Variants in RNF144A observed in about 807,000 individuals in gnomAD.
RNF144A encodes the protein ring finger protein 144A.
A neutral mutation model predicts 38.7 loss-of-function variants in RNF144A; 11 were observed. That is an observed-to-expected ratio of 0.28 (90% CI 0.18 to 0.47). The LOEUF (loss-of-function observed/expected upper bound fraction) is 0.47. Among genes scored for constraint, RNF144A ranks in the 20% least tolerant of loss-of-function variants. The pLI, the probability that RNF144A is intolerant of heterozygous loss-of-function variation, is 0.99. For synonymous variants in RNF144A, 149 were observed against 143.9 expected, an observed-to-expected ratio of 1.04 and a Z score of -0.25; for missense variants, 316 against 377.2, an observed-to-expected ratio of 0.84 and a Z score of 1.34.
chr2:7,035,279 C>T (rs56277241), intron 8 of RNF144A, among the ~76,000 whole-genome samples: 2,464 of 152,312 alleles, frequency 0.016, 15 homozygotes, highest in Non-Finnish European at 0.025. Flanking sequence ...GGCCACAGCA[C>T]GTGCTGAGCA....
At chr2:6,954,458 C>T (rs1014683169) in intron 2 of RNF144A, among the ~76,000 whole-genome samples, 2 of 152,136 alleles carry the variant, frequency 1.3e-5, no homozygotes, top group Non-Finnish European at 2.9e-5. Flanking sequence ...GATGCTTATT[C>T]GTTTTTTAGT....
intron 6 of RNF144A, among the ~76,000 whole-genome samples, chr2:7,049,378 G>T (rs993690393): frequency 6.6e-6 from 1 of 152,132 alleles, no homozygotes; most frequent in East Asian, 1.9e-4. Context: ...ATAAATTATT[G>T]ATCAATGGTA....
Position 7,039,682 on chromosome 2 carries a change from C to T in RNF144A, c.801C>T (p.Phe267=). 3 of 1,614,114 alleles carry T rather than the reference C, an allele frequency of 1.9e-6. No individual in the cohort carries two copies. The highest frequency in any genetic ancestry group is 2.5e-6 in the Non-Finnish European group (3 of 1,180,004). Residue 267 remains phenylalanine (F), a synonymous_variant, in exon 9 of 9, where the codon TTC becomes TTT. Coordinates refer to ENST00000320892, the MANE Select transcript of RNF144A (RefSeq NM_014746.6). ...FGLLLLVASP[F]LLLATPFVLC... ...TGCTGCTCTTGGTGGCCTCACCTTT[C>T]CTACTCCTGGCCACTCCCTTTGTAC...
In RNF144A at chr2:7,039,490, A is replaced by AGATG. The variant is rs1292496094; in HGVS notation, c.748-127_748-124dup. The AGATG allele has an allele frequency of 7.1e-6, 10 of 1,417,952 alleles. No individual in the cohort carries two copies. The East Asian group carries it at 1.2e-4, about 17-fold the overall frequency. The allele number at this position is 1,417,952 out of a possible 1,614,324, so 87.8% of individuals were successfully genotyped here. ...ATGAGTAGATGATGACTAGATGGGT[A>AGATG]GATGGATGGATGGATAGATGGATGG... On this transcript the variant is annotated intron_variant, in intron 8 of 8. Transcript: ENST00000320892.
chr2:6,948,484 G>A (rs1666479310), intron 2 of RNF144A, among the ~76,000 whole-genome samples: 1 of 152,228 alleles, frequency 6.6e-6, no homozygotes, highest in Admixed American at 6.5e-5. Context: ...GTGAGCTGTG[G>A]TGCTTCCCAT....
intron 6 of RNF144A, among the ~76,000 whole-genome samples, chr2:7,052,303 T>C (rs1331219710): frequency 1.3e-5 from 2 of 152,242 alleles, no homozygotes; most frequent in East Asian, 3.8e-4. Context: ...GCATCTAACA[T>C]GAGGAGCCCC....
At chr2:6,955,776 A>T (rs1313431897) in intron 2 of RNF144A, among the ~76,000 whole-genome samples, 1 of 152,198 alleles carries the variant, frequency 6.6e-6, no homozygotes, top group East Asian at 1.9e-4. Flanking sequence ...GGTGACAAGA[A>T]GCCCCATTTT....
intron 2 of RNF144A, among the ~76,000 whole-genome samples, chr2:6,982,264 G>T (rs866622133): frequency 6.6e-6 from 1 of 152,220 alleles, no homozygotes; most frequent in African/African-American, 2.4e-5. Flanking sequence ...GCAGCTACTC[G>T]TAAGTGTGTT....
chr2:7,073,635 G>A, the RNF144A span, among the ~76,000 whole-genome samples: 9,883 of 152,294 alleles, frequency 0.065, 364 homozygotes, highest in Middle Eastern at 0.16. Context: ...TTAAATAACC[G>A]TTGTTATTTC....
At chr2:6,969,854 C>T (rs1028132714) in intron 2 of RNF144A, among the ~76,000 whole-genome samples, 2 of 152,250 alleles carry the variant, frequency 1.3e-5, no homozygotes, top group East Asian at 1.9e-4. Flanking sequence ...CTCTGCTTCC[C>T]GGGTTCACAT....
intron 2 of RNF144A, among the ~76,000 whole-genome samples, chr2:6,983,721 A>G (rs1668783589): frequency 1.3e-5 from 2 of 151,946 alleles, no homozygotes; most frequent in African/African-American, 4.8e-5. Flanking sequence ...ACCTTATAGC[A>G]AAGGAGAGGC....
intron 2 of RNF144A, among the ~76,000 whole-genome samples, chr2:6,981,267 C>T (rs1250496986): frequency 1.3e-5 from 2 of 152,216 alleles, no homozygotes; most frequent in African/African-American, 4.8e-5. Flanking sequence ...GAATTTCTCC[C>T]CAGAAAATGG....
chr2:7,012,895 A>G (rs1299003811), intron 3 of RNF144A, among the ~76,000 whole-genome samples: 2 of 152,214 alleles, frequency 1.3e-5, no homozygotes, highest in Non-Finnish European at 2.9e-5. Context: ...ACCTAAGTTT[A>G]GGGCCACTGC....
intron 8 of RNF144A, among the ~76,000 whole-genome samples, chr2:7,036,560 T>G (rs1292295591): frequency 6.6e-6 from 1 of 152,208 alleles, no homozygotes; most frequent in Non-Finnish European, 1.5e-5. Context: ...TCTCTTGTAC[T>G]TACACCAGGA....
chr2:7,008,612 C>T (rs1308220310), intron 3 of RNF144A, among the ~76,000 whole-genome samples: 1 of 152,230 alleles, frequency 6.6e-6, no homozygotes, highest in Non-Finnish European at 1.5e-5. Flanking sequence ...CCCTGTCCCC[C>T]CGGGCCAGAT....
At chr2:6,952,864 A>G (rs1265484467) in intron 2 of RNF144A, among the ~76,000 whole-genome samples, 1 of 152,052 alleles carries the variant, frequency 6.6e-6, no homozygotes, top group Non-Finnish European at 1.5e-5. Flanking sequence ...TCTATTATTT[A>G]TTACAATACA....
chr2:7,039,830 C>T lies in RNF144A; in HGVS notation c.*70C>T, dbSNP rs72783732. 0.081 allele frequency: 128,052 copies of T among 1,571,764 alleles called. 5,964 individuals are homozygous for T. Among genetic ancestry groups the T allele is most frequent in the Middle Eastern group, 0.18 (753 of 4,302 alleles). On this transcript the variant is annotated 3_prime_UTR_variant, in exon 9 of 9. Transcript: ENST00000320892. The stretch of plus-strand genomic sequence containing the variant: ...GCTCTCCCCCAACCCTCCCCACCGT[C>T]CCCCCTTCACTAAACATCTTTCTTG...
At position 7,040,709 on chromosome 2, in the gene RNF144A, A is replaced by G; in HGVS notation, c.*949A>G. ...TTCAGATAGACAGTAAGAAGAAAGC[A>G]GCCTCATTGATCCGCAGATGTAGGG... is the stretch of plus-strand genomic sequence containing the variant. On this transcript the variant is annotated 3_prime_UTR_variant, in exon 9 of 9. Coordinates refer to ENST00000320892, the MANE Select transcript of RNF144A (RefSeq NM_014746.6). 1 of 985,506 alleles carries G rather than the reference A, an allele frequency of 1.0e-6. No homozygotes were observed. Among genetic ancestry groups the G allele is most frequent in the Non-Finnish European group, 1.2e-6 (1 of 829,948 alleles). 61.0% of individuals were successfully genotyped at this position (985,506 alleles called of 1,614,324 possible). A position where few individuals can be genotyped will look rare whatever the true frequency, so the allele number is the denominator to read the frequency against.
intron 1 of RNF144A, among the ~76,000 whole-genome samples, chr2:6,919,319 A>G (rs548411537): frequency 5.9e-5 from 9 of 152,378 alleles, no homozygotes; most frequent in African/African-American, 2.2e-4. Flanking sequence ...AAAGGAGACA[A>G]CAGCCTTTTT....
Sources: allele counts gnomAD v4.1 joint callset (sites outside exome capture counted in the v4.1 genomes callset), GRCh38; gene constraint gnomAD v4.1.1; transcripts MANE v1.5; gene names NCBI Gene and HGNC (gene_info 2026-07-23, HGNC 2026-07-21).